The following ADAMTSL1 variants were observed in gnomAD, a reference collection of about 807,000 sequenced individuals.
The protein encoded by ADAMTSL1 is ADAMTS-like protein 1.
In ADAMTSL1, 126 loss-of-function variants were observed where a neutral mutation model predicts 201.8. The observed-to-expected ratio is 0.62, with a 90% CI of 0.54 to 0.72. The LOEUF (loss-of-function observed/expected upper bound fraction) is 0.72, where lower values mean the gene tolerates loss of function less well. ADAMTSL1 is among the 30% of genes least tolerant of loss of function. The pLI, the probability that ADAMTSL1 is intolerant of heterozygous loss-of-function variation, is 0.00. For missense variants in ADAMTSL1, 2,679 were observed against 2,277.8 expected (o/e 1.18, Z -3.59); for synonymous variants, 1,121 against 903.4 (o/e 1.24, Z -4.32).
intron 2 of ADAMTSL1, among the ~76,000 whole-genome samples, chr9:18,181,651 G>A (rs1338212748): frequency 6.6e-6 from 1 of 152,074 alleles, no homozygotes; most frequent in East Asian, 1.9e-4. Flanking sequence ...GTGCTGGAGA[G>A]GATGTGGAGA....
At chr9:18,120,551 G>A (rs1825454287) in intron 1 of ADAMTSL1, among the ~76,000 whole-genome samples, 1 of 152,116 alleles carries the variant, frequency 6.6e-6, no homozygotes, top group South Asian at 2.1e-4. Context: ...TCATAGAACA[G>A]TCTGAATTAA....
At chr9:18,696,382 A>G (rs1014153086) in intron 13 of ADAMTSL1, among the ~76,000 whole-genome samples, 2 of 152,230 alleles carry the variant, frequency 1.3e-5, no homozygotes, top group Non-Finnish European at 2.9e-5. Flanking sequence ...GGCTGGAGAG[A>G]GTAGTAACTG....
chr9:17,914,202 G>A (rs1463642672), intron 1 of ADAMTSL1, among the ~76,000 whole-genome samples: 1 of 152,106 alleles, frequency 6.6e-6, no homozygotes, highest in African/African-American at 2.4e-5. Flanking sequence ...ACCAAAGCCT[G>A]GCGGAGACAC....
chr9:17,968,026 A>T (rs1427797021), intron 1 of ADAMTSL1, among the ~76,000 whole-genome samples: 1 of 152,020 alleles, frequency 6.6e-6, no homozygotes, highest in Non-Finnish European at 1.5e-5. Flanking sequence ...CACAGCTGTT[A>T]CTCCAATCTT....
chr9:18,040,692 A>G (rs953491242), intron 1 of ADAMTSL1, among the ~76,000 whole-genome samples: 36 of 152,166 alleles, frequency 2.4e-4, no homozygotes, highest in African/African-American at 8.4e-4. Context: ...TACTGGAGAA[A>G]GCTTACAACC....
chr9:17,907,397 T>G (rs191581577), intron 1 of ADAMTSL1, among the ~76,000 whole-genome samples: 501 of 152,280 alleles, frequency 3.3e-3, no homozygotes, highest in African/African-American at 0.012. Context: ...CTTCTGACAC[T>G]GTCACCCTAG....
intron 1 of ADAMTSL1, among the ~76,000 whole-genome samples, chr9:18,107,705 C>T (rs543938014): frequency 1.7e-4 from 26 of 152,200 alleles, no homozygotes; most frequent in African/African-American, 6.0e-4. Flanking sequence ...TTCTTGAAGT[C>T]CAGACTGTGT....
chr9:18,487,480 C>T (rs773585643), intron 1 of ADAMTSL1, among the ~76,000 whole-genome samples: 12 of 152,188 alleles, frequency 7.9e-5, no homozygotes, highest in Non-Finnish European at 1.6e-4. Flanking sequence ...ACCACTTTTA[C>T]TTTCCTTCCT....
intron 2 of ADAMTSL1, among the ~76,000 whole-genome samples, chr9:18,291,373 G>T (rs564795892): frequency 6.6e-6 from 1 of 152,226 alleles, no homozygotes; most frequent in Admixed American, 6.5e-5. Context: ...ACAAACTAGA[G>T]ACTCTGATGC....
intron 2 of ADAMTSL1, among the ~76,000 whole-genome samples, chr9:18,294,860 G>A (rs1312160073): frequency 6.6e-6 from 1 of 152,218 alleles, no homozygotes; most frequent in African/African-American, 2.4e-5. Context: ...ATAAGAGTCA[G>A]AGGAAGGCCT....
intron 23 of ADAMTSL1, among the ~76,000 whole-genome samples, chr9:18,866,867 C>G (rs1444369714): frequency 2.0e-5 from 3 of 152,238 alleles, no homozygotes; most frequent in Non-Finnish European, 4.4e-5. Context: ...TTAATCTCCT[C>G]TTGCTCTGAC....
intron 1 of ADAMTSL1, among the ~76,000 whole-genome samples, chr9:18,142,595 C>T (rs977696785): frequency 6.6e-6 from 1 of 152,120 alleles, no homozygotes; most frequent in East Asian, 1.9e-4. Context: ...AAAACTGAGG[C>T]AGAGATAAAT....
intron 2 of ADAMTSL1, among the ~76,000 whole-genome samples, chr9:18,319,689 T>C (rs16936583): frequency 0.022 from 3,317 of 152,288 alleles, 65 homozygotes; most frequent in African/African-American, 0.058. Flanking sequence ...TATCTATAGA[T>C]TTCACATGGA....
chr9:18,242,395 G>A (rs1252581946), intron 2 of ADAMTSL1, among the ~76,000 whole-genome samples: 5 of 151,998 alleles, frequency 3.3e-5, no homozygotes, highest in African/African-American at 4.8e-5. Flanking sequence ...AAAACTCACC[G>A]CTAACATTAG....
At chr9:18,829,742 A>G in intron 22 of ADAMTSL1, 101 bp from the exon 23 acceptor site, 1 of 1,448,822 alleles carries the variant, frequency 6.9e-7, no homozygotes, top group Admixed American at 1.9e-5. Context: ...TATCTTACAT[A>G]TACGCATACA....
chr9:18,478,002 T>G (rs1821541827), intron 1 of ADAMTSL1, among the ~76,000 whole-genome samples: 1 of 152,186 alleles, frequency 6.6e-6, no homozygotes, highest in African/African-American at 2.4e-5. Flanking sequence ...ACAAAGAGAA[T>G]GAATAAATAA....
chr9:18,357,880 C>T (rs369463772), intron 2 of ADAMTSL1, among the ~76,000 whole-genome samples: 2 of 152,066 alleles, frequency 1.3e-5, no homozygotes, highest in African/African-American at 2.4e-5. Flanking sequence ...CATTCTCTAC[C>T]CTGTCCAGCT....
At chr9:18,387,444 C>T (rs1309796958) in intron 2 of ADAMTSL1, among the ~76,000 whole-genome samples, 3 of 151,884 alleles carry the variant, frequency 2.0e-5, no homozygotes, top group African/African-American at 4.8e-5. Flanking sequence ...GTATGATGAT[C>T]CCAAAGGTAG....
intron 15 of ADAMTSL1, among the ~76,000 whole-genome samples, chr9:18,751,023 A>G (rs549514931): frequency 6.6e-6 from 1 of 152,314 alleles, no homozygotes; most frequent in Admixed American, 6.5e-5. Flanking sequence ...TAGCCTTGGA[A>G]GTCACATAGC....
Sources: allele counts gnomAD v4.1 joint callset (sites outside exome capture counted in the v4.1 genomes callset), GRCh38; gene constraint gnomAD v4.1.1; transcripts MANE v1.5; gene names NCBI Gene and HGNC (gene_info 2026-07-23, HGNC 2026-07-21).